Variants in RELN observed in about 807,000 individuals in gnomAD.
RELN encodes reelin.
In RELN, 108 loss-of-function variants were observed where a neutral mutation model predicts 427.6. The ratio of observed to expected loss-of-function variants is 0.25; its 90% confidence interval spans 0.22 to 0.30. The LOEUF is 0.30. Among genes scored for constraint, RELN ranks in the 10% least tolerant of loss-of-function variants. RELN has a pLI of 1.00. For synonymous variants in RELN, 1,524 were observed against 1,513.4 expected, an observed-to-expected ratio of 1.01 and a Z score of -0.16; for missense variants, 3,715 against 4,302.8, an observed-to-expected ratio of 0.86 and a Z score of 3.82.
intron 1 of RELN, among the ~76,000 whole-genome samples, chr7:103,945,743 C>T (rs4236562): frequency 0.82 from 124,274 of 152,170 alleles, 51,304 homozygotes; most frequent in African/African-American, 0.91. Flanking sequence ...ACCTCATATA[C>T]GGCAATGGTC....
chr7:103,713,947 TC>T (rs1298808586), intron 8 of RELN, among the ~76,000 whole-genome samples: 4 of 152,176 alleles, frequency 2.6e-5, no homozygotes, highest in African/African-American at 9.6e-5. Context: ...GTATTAGCTC[TC>T]TTGACCCACG....
intron 3 of RELN, among the ~76,000 whole-genome samples, chr7:103,783,234 A>G (rs554908950): frequency 6.6e-6 from 1 of 150,432 alleles, no homozygotes; most frequent in Admixed American, 6.6e-5. Context: ...GGCTCAAACA[A>G]TCCTCCCACC....
intron 2 of RELN, among the ~76,000 whole-genome samples, chr7:103,837,444 C>T (rs535540128): frequency 2.0e-5 from 3 of 152,340 alleles, no homozygotes; most frequent in Non-Finnish European, 4.4e-5. Flanking sequence ...CCCTCACTCT[C>T]ACCTCTAAGC....
intron 3 of RELN, among the ~76,000 whole-genome samples, chr7:103,813,531 T>C (rs1367216521): frequency 6.6e-6 from 1 of 152,112 alleles, no homozygotes; most frequent in Non-Finnish European, 1.5e-5. Flanking sequence ...AATTTAAGAA[T>C]ATTTATAATT....
intron 34 of RELN, 57 bp from the exon 35 acceptor site, chr7:103,562,010 G>A: frequency 6.4e-7 from 1 of 1,561,964 alleles, no homozygotes. Flanking sequence ...AACCTTGAAA[G>A]CACAAGGACA....
intron 58 of RELN, 107 bp downstream of exon 58, chr7:103,491,846 T>TCACACA (rs1381747766): frequency 1.9e-4 from 115 of 609,674 alleles, no homozygotes; most frequent in South Asian, 1.4e-3. Context: ...TCTCTCTCTC[T>TCACACA]CTCTCTCTCT....
At chr7:103,702,935 G>T (rs1834123669) in intron 8 of RELN, among the ~76,000 whole-genome samples, 1 of 152,162 alleles carries the variant, frequency 6.6e-6, no homozygotes, top group African/African-American at 2.4e-5. Flanking sequence ...ATCCCCAGTA[G>T]GCTAAAGGTG....
Position 103,632,909 on chromosome 7 carries a change from A to G in RELN, c.2465+2516T>C, listed in dbSNP as rs1225614178. ...CAAGACATAAAAATAAACTAAGATT[A>G]GACTTCATAGTAATTTTAGAGTAAA... On this transcript the variant is annotated intron_variant, in intron 19 of 64. Coordinates refer to ENST00000428762, the MANE Select transcript of RELN (RefSeq NM_005045.4). Among the ~76,000 whole-genome samples, 14 of 152,300 alleles carry G rather than the reference A, an allele frequency of 9.2e-5. No homozygotes were observed. The South Asian group carries it at 2.7e-3, about 29-fold the overall frequency.
intron 1 of RELN, among the ~76,000 whole-genome samples, chr7:103,971,275 C>T (rs1199379973): frequency 6.6e-6 from 1 of 151,300 alleles, no homozygotes; most frequent in Admixed American, 6.6e-5. Flanking sequence ...ATAAACGAAA[C>T]AACTGATAGA....
chr7:103,749,687 G>A (rs917953049), intron 5 of RELN, among the ~76,000 whole-genome samples, 183 bp from the exon 6 acceptor site: 6 of 152,104 alleles, frequency 3.9e-5, no homozygotes, highest in South Asian at 2.1e-4. Flanking sequence ...AAAGCTCTGC[G>A]GTTTAAACAC....
chr7:103,561,959 C>CAAAAAAAAAAAAAAAAAAAAAAAA lies in RELN; in HGVS notation c.5211-7_5211-6insTTTTTTTTTTTTTTTTTTTTTTTT. ...TGAACCGGGTCCTGGGAGAACTAAC[C>CAAAAAAAAAAAAAAAAAAAAAAAA]AAAAAAAAAAAAAAAAAAACACACC... On this transcript the variant is annotated splice_region_variant and splice_polypyrimidine_tract_variant and intron_variant, in intron 34 of 64. Coordinates refer to ENST00000428762, the MANE Select transcript of RELN (RefSeq NM_005045.4). 7.6e-7 allele frequency: 1 copy of CAAAAAAAAAAAAAAAAAAAAAAAA among 1,314,148 alleles called. No individual in the cohort carries two copies. Among genetic ancestry groups the CAAAAAAAAAAAAAAAAAAAAAAAA allele is most frequent in the Non-Finnish European group, 9.8e-7 (1 of 1,017,450 alleles). The allele number at this position is 1,314,148 out of a possible 1,614,324, so 81.4% of individuals were successfully genotyped here. A position where few individuals can be genotyped will look rare whatever the true frequency, so the allele number is the denominator to read the frequency against.
At chr7:103,533,900 GT>G (rs67203577) in intron 46 of RELN, among the ~76,000 whole-genome samples, 19,680 of 151,504 alleles carry the variant, frequency 0.13, 2,712 homozygotes, top group African/African-American at 0.35. Flanking sequence ...CCTTAATGGA[GT>G]TTTTTTTTCT....
chr7:103,904,040 T>C (rs534640140), intron 2 of RELN, among the ~76,000 whole-genome samples: 2 of 152,226 alleles, frequency 1.3e-5, no homozygotes, highest in East Asian at 1.9e-4. Context: ...GTGTGTGTTG[T>C]TCCCCTCCCT....
intron 1 of RELN, among the ~76,000 whole-genome samples, chr7:103,982,771 T>C (rs996259286): frequency 2.6e-5 from 4 of 152,206 alleles, no homozygotes; most frequent in Admixed American, 2.0e-4. Flanking sequence ...CCAGTGGACA[T>C]CAATAATCGG....
chr7:103,557,383 C>T (rs1383191301), intron 37 of RELN, among the ~76,000 whole-genome samples: 1 of 152,198 alleles, frequency 6.6e-6, no homozygotes, highest in African/African-American at 2.4e-5. Flanking sequence ...TAATACCTCC[C>T]TTTCTCTCTC....
intron 3 of RELN, among the ~76,000 whole-genome samples, chr7:103,780,470 G>C (rs959251760): frequency 6.6e-6 from 1 of 152,122 alleles, no homozygotes; most frequent in Non-Finnish European, 1.5e-5. Context: ...TGTCACTGGG[G>C]TTTGTTGTAC....
In RELN at chr7:103,728,149, C is replaced by A; in HGVS notation, c.715G>T (p.Ala239Ser). The A allele has an allele frequency of 6.2e-7, 1 of 1,613,842 alleles. No homozygotes were observed. ...CCATATGGTTCACAGAAGGTGACGG[C>A]ATTGCCATGCATAATCGCGCCACAC... ...EQCGAIMHGN[A>S]VTFCEPYGPR... Residue 239 changes from alanine to serine, a missense_variant, in exon 7 of 65, where the codon GCC (alanine) becomes TCC (serine). This residue lies in a region of RELN where 2,208 missense variants were observed against 2,361.7 expected (regional missense o/e 0.93). Coordinates refer to ENST00000428762, the MANE Select transcript of RELN (RefSeq NM_005045.4).
At position 103,565,477 on chromosome 7, in the gene RELN, C is replaced by G. The variant is rs939943472; in HGVS notation, c.5011G>C (p.Gly1671Arg). Residue 1671 changes from glycine (G) to arginine (R), a missense_variant, in exon 34 of 65, where the codon GGC becomes CGC. By Grantham distance (125) the Gly-to-Arg change is moderately radical (BLOSUM62 -2). Around this residue, in one of 4 missense-constraint regions of RELN, gnomAD observed 2,208 missense variants for 2,361.7 expected, o/e 0.93. Coordinates refer to ENST00000428762, the MANE Select transcript of RELN (RefSeq NM_005045.4). ...GAGTTGCTGAAGGGCTTGCTACAGC[C>G]CATGCTCATTTCAAACTGCAAAAAG... Reference protein sequence around the residue: ...STFLQFEMSMGCSKPFSNSHS... With the variant: ...STFLQFEMSMRCSKPFSNSHS... 2.5e-6 allele frequency: 4 copies of G among 1,613,658 alleles called. No homozygotes were observed. Among genetic ancestry groups the G allele is most frequent in the East Asian group, 2.2e-5 (1 of 44,848 alleles).
intron 28 of RELN, among the ~76,000 whole-genome samples, chr7:103,578,125 T>C (rs1831045279): frequency 6.6e-6 from 1 of 152,196 alleles, no homozygotes; most frequent in African/African-American, 2.4e-5. Context: ...CTTTGACCTG[T>C]CTCTGATTCT....
Sources: allele counts gnomAD v4.1 joint callset (sites outside exome capture counted in the v4.1 genomes callset), GRCh38; gene constraint gnomAD v4.1.1; regional missense constraint gnomAD v4.1.1; transcripts MANE v1.5; gene names NCBI Gene and HGNC (gene_info 2026-07-23, HGNC 2026-07-21).